TAS2R7: variants seen among roughly 807,000 people sequenced by gnomAD.
The protein encoded by TAS2R7 is taste receptor type 2 member 7.
For missense variants in TAS2R7, 403 were observed against 366.0 expected (o/e 1.10, Z -0.82); for synonymous variants, 159 against 138.8 (o/e 1.15, Z -1.02).
chr12:10,802,367 T>C lies in TAS2R7; in HGVS notation c.204A>G (p.Ile68Met), dbSNP rs1324026537. ...LLCVILLDCF[I>M]LVLYPDVYAT... ...CATAGACATCTGGATATAGCACCAA[T>C]ATAAAACAATCTAATAGTATTACGC... is the stretch of plus-strand genomic sequence containing the variant. The change falls in exon 1 of 1, where the codon ATA (isoleucine) becomes ATG (methionine). Residue 68 changes from isoleucine to methionine, a missense_variant. By Grantham distance (10) the Ile-to-Met change is conservative (BLOSUM62 1). Transcript: ENST00000240687. The C allele has an allele frequency of 4.3e-6, 7 of 1,613,892 alleles. No homozygotes were observed. The highest frequency in any genetic ancestry group is 5.9e-6 in the Non-Finnish European group (7 of 1,179,982).
rs369634234 is a variant in TAS2R7, at chr12:10,802,325, C to G, written c.246G>C (p.Met82Ile). The change falls in exon 1 of 1, where the codon ATG becomes ATC. Residue 82 changes from methionine (M) to isoleucine (I), a missense_variant. Met to Ile is a conservative substitution (Grantham distance 10, BLOSUM62 1). Coordinates refer to ENST00000240687, the MANE Select transcript of TAS2R7 (RefSeq NM_023919.2). ...GTGTCCAGAAGAAGTCAATGATTCTCATTTCTTTACCAGTGGCATAGACAT... is the reference window on the plus strand; with the variant it reads ...GTGTCCAGAAGAAGTCAATGATTCTGATTTCTTTACCAGTGGCATAGACAT... ...YPDVYATGKE[M>I]RIIDFFWTLT... 1 of 1,613,988 alleles carries G rather than the reference C, an allele frequency of 6.2e-7. No homozygotes were observed. The highest frequency in any genetic ancestry group is 8.5e-7 in the Non-Finnish European group (1 of 1,179,964).
At position 10,801,586 on chromosome 12, in the gene TAS2R7, G is replaced by T. The variant is rs980178890; in HGVS notation, c.*28C>A. 5 of 1,364,002 alleles carry T rather than the reference G, an allele frequency of 3.7e-6. No individual in the cohort carries two copies. Among genetic ancestry groups the T allele is most frequent in the Non-Finnish European group, 5.1e-6 (5 of 984,894 alleles). 84.5% of individuals were successfully genotyped at this position (1,364,002 alleles called of 1,614,324 possible). ...GTTAATTTAGAAACATCTTATCTTT[G>T]TTTGTCCTAGAAAAGCATAGTTTCT... On this transcript the variant is annotated 3_prime_UTR_variant, in exon 1 of 1. Transcript: ENST00000240687.
In TAS2R7 at chr12:10,801,542, CATT is replaced by C; in HGVS notation, c.*69_*71del. The C allele has an allele frequency of 2.0e-6, 2 of 994,364 alleles. No individual in the cohort carries two copies. The highest frequency in any genetic ancestry group is 2.4e-5 in the East Asian group (1 of 42,028). The allele number at this position is 994,364 out of a possible 1,614,324, so 61.6% of individuals were successfully genotyped here. A position where few individuals can be genotyped will look rare whatever the true frequency, so the allele number is the denominator to read the frequency against. On this transcript the variant is annotated 3_prime_UTR_variant, in exon 1 of 1. Coordinates refer to ENST00000240687, the MANE Select transcript of TAS2R7 (RefSeq NM_023919.2). ...TTTAGGAGTAATTAATCACATAAAA[CATT>C]AATGCAAGAACTGAAGTTAATTTAG...
chr12:10,801,552 A>C lies in TAS2R7; in HGVS notation c.*62T>G, dbSNP rs1948686696. ...ATTAATCACATAAAACATTAATGCA[A>C]GAACTGAAGTTAATTTAGAAACATC... On this transcript the variant is annotated 3_prime_UTR_variant, in exon 1 of 1. Coordinates refer to ENST00000240687, the MANE Select transcript of TAS2R7 (RefSeq NM_023919.2). 5 of 1,077,508 alleles carry C rather than the reference A, an allele frequency of 4.6e-6. No homozygotes were observed. The South Asian group carries it at 7.6e-5, about 16-fold the overall frequency. The allele number at this position is 1,077,508 out of a possible 1,614,324, so 66.7% of individuals were successfully genotyped here.
chr12:10,802,580 T>C lies in TAS2R7; in HGVS notation c.-10A>G, dbSNP rs1235859857. The C allele has an allele frequency of 2.5e-6, 4 of 1,604,892 alleles. No homozygotes were observed. The highest frequency in any genetic ancestry group is 1.3e-5 in the African/African-American group (1 of 74,584). On this transcript the variant is annotated 5_prime_UTR_variant, in exon 1 of 1. Coordinates refer to ENST00000240687, the MANE Select transcript of TAS2R7 (RefSeq NM_023919.2). ...GCACTTTATCTGCCATGTTTAAATA[T>C]GCAATTAGTTTCTAGTTGACCTGAT...
Position 10,802,581 on chromosome 12 carries a change from G to A in TAS2R7, c.-11C>T. On this transcript the variant is annotated 5_prime_UTR_variant, in exon 1 of 1. Transcript: ENST00000240687. The stretch of plus-strand genomic sequence containing the variant: ...CACTTTATCTGCCATGTTTAAATAT[G>A]CAATTAGTTTCTAGTTGACCTGATG... The A allele has an allele frequency of 6.2e-7, 1 of 1,604,276 alleles. No homozygotes were observed.
rs1317828998 is a variant in TAS2R7 at position 10,802,141 on chromosome 12, T to C, written c.430A>G (p.Ile144Val). Residue 144 changes from isoleucine (I) to valine (V), a missense_variant, in exon 1 of 1, where the codon ATT (isoleucine) becomes GTT (valine). Transcript: ENST00000240687. ...AAATTCTCAGTGGCTGGAAGGCTAA[T>C]AAACACAGAGAGAACCACGCACCCC... ...LLGCVVLSVF[I>V]SLPATENLNA... The C allele has an allele frequency of 2.5e-6, 4 of 1,613,738 alleles. No individual in the cohort carries two copies. Among genetic ancestry groups the C allele is most frequent in the Admixed American group, 1.7e-5 (1 of 59,904 alleles).
In TAS2R7 at chr12:10,801,842, G is replaced by A; in HGVS notation, c.729C>T (p.Leu243=). 6.2e-7 allele frequency: 1 copy of A among 1,613,980 alleles called. No individual in the cohort carries two copies. The highest frequency in any genetic ancestry group is 8.5e-7 in the Non-Finnish European group (1 of 1,179,988). The change falls in exon 1 of 1, where the codon CTC becomes CTT. Residue 243 remains leucine, a synonymous_variant. Coordinates refer to ENST00000240687, the MANE Select transcript of TAS2R7 (RefSeq NM_023919.2). ...GAAAGGACAAATAGTAGGCAATAAA[G>A]AGGAGAAGGAAGGAAATGACAGCTT... ...ALKAVISFLL[L]FIAYYLSFLI...
Position 10,801,770 on chromosome 12 carries a change from C to T in TAS2R7, c.801G>A (p.Val267=), listed in dbSNP as rs1240587266. 1.2e-6 allele frequency: 2 copies of T among 1,613,986 alleles called. No individual in the cohort carries two copies. Among genetic ancestry groups the T allele is most frequent in the Non-Finnish European group, 1.7e-6 (2 of 1,179,960 alleles). ...SYFMPETELA[V]IFGESIALIY... ...TTAGAGCTATGGACTCACCAAAAATCACAGCTAATTCCGTCTCTGGCATAA... is the reference window on the plus strand; with the variant it reads ...TTAGAGCTATGGACTCACCAAAAATTACAGCTAATTCCGTCTCTGGCATAA... Residue 267 remains valine (V), a synonymous_variant, in exon 1 of 1, where the codon GTG becomes GTA. Transcript: ENST00000240687.
In TAS2R7 at chr12:10,802,321, T is replaced by G; in HGVS notation, c.250A>C (p.Ile84Leu). 6.2e-7 allele frequency: 1 copy of G among 1,613,980 alleles called. No individual in the cohort carries two copies. The highest frequency in any genetic ancestry group is 8.5e-7 in the Non-Finnish European group (1 of 1,179,952). Residue 84 changes from isoleucine to leucine, a missense_variant, in exon 1 of 1, where the codon ATC becomes CTC. Physicochemically the swap from Ile to Leu is conservative, Grantham distance 5. Transcript: ENST00000240687. The stretch of plus-strand genomic sequence containing the variant: ...GTTAGTGTCCAGAAGAAGTCAATGA[T>G]TCTCATTTCTTTACCAGTGGCATAG... Reference protein sequence around the residue: ...DVYATGKEMRIIDFFWTLTNH... With the variant: ...DVYATGKEMRLIDFFWTLTNH...
At position 10,801,908 on chromosome 12, in the gene TAS2R7, C is replaced by A; in HGVS notation, c.663G>T (p.Gly221=). 2 of 1,613,922 alleles carry A rather than the reference C, an allele frequency of 1.2e-6. No individual in the cohort carries two copies. Among genetic ancestry groups the A allele is most frequent in the East Asian group, 4.5e-5 (2 of 44,856 alleles). Residue 221 remains glycine, a synonymous_variant, in exon 1 of 1, where the codon GGG becomes GGT. Coordinates refer to ENST00000240687, the MANE Select transcript of TAS2R7 (RefSeq NM_023919.2). ...GGGCTTCTGTGCTGGGGTCTCTGCACCCTGTGGCACTGAGCTGCATTCGCC... is the reference window on the plus strand; with the variant it reads ...GGGCTTCTGTGCTGGGGTCTCTGCAACCTGTGGCACTGAGCTGCATTCGCC... ...HIRRMQLSAT[G]CRDPSTEAHV... is the part of the protein sequence containing the mutation.
rs772904090 is a variant in TAS2R7 at position 10,802,270 on chromosome 12, T to G, written c.301A>C (p.Thr101Pro). Reference sequence around the variant, plus strand: ...AAGAAATAGTAAATGCTGAGGCAGGTTGCAAACCAGATACTTAAATGATTG... The same window carrying G: ...AAGAAATAGTAAATGCTGAGGCAGGGTGCAAACCAGATACTTAAATGATTG... Reference protein sequence around the residue: ...LTNHLSIWFATCLSIYYFFKI... With the variant: ...LTNHLSIWFAPCLSIYYFFKI... The change falls in exon 1 of 1, where the codon ACC becomes CCC. Residue 101 changes from threonine to proline, a missense_variant. Thr to Pro is a conservative substitution (Grantham distance 38, BLOSUM62 -1). Coordinates refer to ENST00000240687, the MANE Select transcript of TAS2R7 (RefSeq NM_023919.2). 1.9e-6 allele frequency: 3 copies of G among 1,613,894 alleles called. No homozygotes were observed. The highest frequency in any genetic ancestry group is 2.2e-5 in the South Asian group (2 of 91,074).
At position 10,802,509 on chromosome 12, in the gene TAS2R7, AT is replaced by A. The variant is rs1948696474; in HGVS notation, c.61del (p.Ile21SerfsTer2). The A allele has an allele frequency of 2.5e-6, 4 of 1,614,000 alleles. No individual in the cohort carries two copies. Among genetic ancestry groups the A allele is most frequent in the Non-Finnish European group, 3.4e-6 (4 of 1,179,938 alleles). On this transcript the variant is annotated frameshift_variant, in exon 1 of 1. Coordinates refer to ENST00000240687, the MANE Select transcript of TAS2R7 (RefSeq NM_023919.2). LOFTEE classifies it low-confidence loss of function (END_TRUNC). ...FLAVGEFSVG[I>X]LGNAFIGLVN... Reference sequence around the variant, plus strand: ...CAATCCAATGAATGCATTCCCTAAGATCCCCACTGAAAACTCTCCAACTGCT... The same window carrying A: ...CAATCCAATGAATGCATTCCCTAAGACCCCACTGAAAACTCTCCAACTGCT...
In TAS2R7 at chr12:10,802,497, G is replaced by A; in HGVS notation, c.74C>T (p.Ala25Val). 6.2e-7 allele frequency: 1 copy of A among 1,614,012 alleles called. No individual in the cohort carries two copies. Among genetic ancestry groups the A allele is most frequent in the Non-Finnish European group, 8.5e-7 (1 of 1,179,942 alleles). ...CATGCAGTTTACCAATCCAATGAATGCATTCCCTAAGATCCCCACTGAAAA... is the reference window on the plus strand; with the variant it reads ...CATGCAGTTTACCAATCCAATGAATACATTCCCTAAGATCCCCACTGAAAA... ...GEFSVGILGN[A>V]FIGLVNCMDW... is the part of the protein sequence containing the mutation. Residue 25 changes from alanine (A) to valine (V), a missense_variant, in exon 1 of 1, where the codon GCA (alanine) becomes GTA (valine). Coordinates refer to ENST00000240687, the MANE Select transcript of TAS2R7 (RefSeq NM_023919.2).
At position 10,801,892 on chromosome 12, in the gene TAS2R7, T is replaced by A. The variant is rs753235659; in HGVS notation, c.679A>T (p.Thr227Ser). The stretch of plus-strand genomic sequence containing the variant: ...TTCAGGGCTCTCACATGGGCTTCTG[T>A]GCTGGGGTCTCTGCACCCTGTGGCA... ...LSATGCRDPS[T>S]EAHVRALKAV... is the part of the protein sequence containing the mutation. Residue 227 changes from threonine to serine, a missense_variant, in exon 1 of 1, where the codon ACA becomes TCA. Transcript: ENST00000240687. 31 of 1,613,816 alleles carry A rather than the reference T, an allele frequency of 1.9e-5. No individual in the cohort carries two copies. Among genetic ancestry groups the A allele is most frequent in the Non-Finnish European group, 2.6e-5 (31 of 1,179,984 alleles).
chr12:10,802,406 T>C lies in TAS2R7; in HGVS notation c.165A>G (p.Arg55=), dbSNP rs984155041. ...ATAGTATTACGCACAATAGACAAAT[T>C]CTGGATATGGCCAGACTTGTGAGGA... ...DLILTSLAIS[R]ICLLCVILLD... is the part of the protein sequence containing the mutation. The change falls in exon 1 of 1, where the codon AGA becomes AGG. Residue 55 remains arginine (R), a synonymous_variant. Transcript: ENST00000240687. 1 of 1,613,920 alleles carries C rather than the reference T, an allele frequency of 6.2e-7. No homozygotes were observed. The highest frequency in any genetic ancestry group is 1.3e-5 in the African/African-American group (1 of 74,900).
Position 10,802,410 on chromosome 12 carries a change from G to A in TAS2R7, c.161C>T (p.Ser54Phe), listed in dbSNP as rs1948695481. ...TATTACGCACAATAGACAAATTCTGGATATGGCCAGACTTGTGAGGATTAA... is the reference window on the plus strand; with the variant it reads ...TATTACGCACAATAGACAAATTCTGAATATGGCCAGACTTGTGAGGATTAA... ...IDLILTSLAISRICLLCVILL... is the reference protein window; with the variant it reads ...IDLILTSLAIFRICLLCVILL... Residue 54 changes from serine to phenylalanine, a missense_variant, in exon 1 of 1, where the codon TCC (serine) becomes TTC (phenylalanine). Physicochemically the swap from Ser to Phe is radical, Grantham distance 155. Coordinates refer to ENST00000240687, the MANE Select transcript of TAS2R7 (RefSeq NM_023919.2). The A allele has an allele frequency of 6.2e-7, 1 of 1,613,902 alleles. No individual in the cohort carries two copies. The highest frequency in any genetic ancestry group is 1.3e-5 in the African/African-American group (1 of 74,904).
Position 10,802,431 on chromosome 12 carries a change from A to G in TAS2R7, c.140T>C (p.Ile47Thr). ...KKRKIASIDLILTSLAISRIC... is the reference protein window; with the variant it reads ...KKRKIASIDLTLTSLAISRIC... ...TCTGGATATGGCCAGACTTGTGAGG[A>G]TTAAATCAATGGAGGCAATTTTCCT... is the stretch of plus-strand genomic sequence containing the variant. Residue 47 changes from isoleucine to threonine, a missense_variant, in exon 1 of 1, where the codon ATC (isoleucine) becomes ACC (threonine). Physicochemically the swap from Ile to Thr is moderately conservative, Grantham distance 89. Transcript: ENST00000240687. 6.2e-7 allele frequency: 1 copy of G among 1,614,092 alleles called. No individual in the cohort carries two copies. Among genetic ancestry groups the G allele is most frequent in the African/African-American group, 1.3e-5 (1 of 75,054 alleles).
At position 10,801,949 on chromosome 12, in the gene TAS2R7, G is replaced by C. The variant is rs758058774; in HGVS notation, c.622C>G (p.Leu208Val). 1 of 1,613,940 alleles carries C rather than the reference G, an allele frequency of 6.2e-7. No individual in the cohort carries two copies. Among genetic ancestry groups the C allele is most frequent in the Non-Finnish European group, 8.5e-7 (1 of 1,179,970 alleles). ...TGCATTCGCCTGATATGTCTCCGCA[G>C]GGAGAGGATCAAGAGGAAAAAGGAC... ...LMSFFLLILS[L>V]RRHIRRMQLS... The change falls in exon 1 of 1, where the codon CTG becomes GTG. Residue 208 changes from leucine (L) to valine (V), a missense_variant. Leu to Val is a conservative substitution (Grantham distance 32). Transcript: ENST00000240687.
Sources: allele counts gnomAD v4.1 joint callset, GRCh38; gene constraint gnomAD v4.1.1; transcripts MANE v1.5; gene names NCBI Gene and HGNC (gene_info 2026-07-23, HGNC 2026-07-21).